The following SORCS3 variants were observed in gnomAD, a reference collection of about 807,000 sequenced individuals.
SORCS3 encodes sortilin related VPS10 domain containing receptor 3.
SORCS3 carries 57 observed loss-of-function variants against 146.3 expected under a neutral mutation model. That is an observed-to-expected ratio of 0.39 (90% CI 0.31 to 0.49). The LOEUF is 0.49. SORCS3 is among the 20% of genes least tolerant of loss of function. The pLI is 0.92. For synonymous variants in SORCS3, 653 were observed against 618.5 expected (o/e 1.06, Z -0.83); for missense variants, 1,341 against 1,575.5 (o/e 0.85, Z 2.52).
chr10:104,854,813 A>G (rs10786831), intron 2 of SORCS3, among the ~76,000 whole-genome samples: 76,695 of 152,096 alleles, frequency 0.5, 21,989 homozygotes, highest in East Asian at 0.72. Context: ...CATACAGTAT[A>G]TAACCTTTTG....
chr10:105,252,992 A>G (rs1424330680), intron 23 of SORCS3, 86 bp downstream of exon 23: 1 of 1,491,540 alleles, frequency 6.7e-7, no homozygotes, highest in Non-Finnish European at 9.1e-7. Flanking sequence ...AGAAAGGGAG[A>G]CAGGCTCTCT....
intron 4 of SORCS3, among the ~76,000 whole-genome samples, chr10:105,020,371 C>G (rs2055191476): frequency 6.6e-6 from 1 of 152,170 alleles, no homozygotes. Context: ...GGATGAACTA[C>G]AAGCTTATAA....
chr10:104,993,340 G>A (rs377535339), intron 4 of SORCS3, among the ~76,000 whole-genome samples: 47 of 152,268 alleles, frequency 3.1e-4, no homozygotes, highest in South Asian at 6.2e-4. Context: ...ATTTTGCCTC[G>A]TGCCTCCCTT....
intron 1 of SORCS3, among the ~76,000 whole-genome samples, chr10:104,746,338 A>G (rs2496019): frequency 0.78 from 118,628 of 151,316 alleles, 46,645 homozygotes; most frequent in East Asian, 0.94. Flanking sequence ...GGGTTTCACC[A>G]TGTTAGCCAG....
chr10:104,675,063 C>A (rs181151853), intron 1 of SORCS3, among the ~76,000 whole-genome samples: 1 of 152,122 alleles, frequency 6.6e-6, no homozygotes. Flanking sequence ...GTGGTTGTAC[C>A]GATTCTACTC....
intron 2 of SORCS3, among the ~76,000 whole-genome samples, chr10:104,874,108 T>C (rs2018546359): frequency 6.6e-6 from 1 of 152,102 alleles, no homozygotes; most frequent in Non-Finnish European, 1.5e-5. Flanking sequence ...AGCAAAGAAA[T>C]CACATTAATA....
chr10:105,164,387 G>C lies in SORCS3; in HGVS notation c.1809+8G>C. On this transcript the variant is annotated splice_region_variant and intron_variant, in intron 12 of 26. Transcript: ENST00000369701. ...GGCAACACATGGAGACAGGTAACTG[G>C]GTGAATTGACAAAAAGGGAGGAGGC... The C allele has an allele frequency of 6.2e-7, 1 of 1,604,244 alleles. No homozygotes were observed. The highest frequency in any genetic ancestry group is 8.5e-7 in the Non-Finnish European group (1 of 1,171,304).
intron 2 of SORCS3, among the ~76,000 whole-genome samples, chr10:104,856,643 C>A (rs1429248687): frequency 1.4e-5 from 2 of 144,544 alleles, no homozygotes; most frequent in African/African-American, 5.0e-5. Context: ...CAATTAGAGG[C>A]ATATATATAA....
intron 1 of SORCS3, among the ~76,000 whole-genome samples, chr10:104,672,266 A>G (rs555488230): frequency 3.9e-5 from 6 of 152,250 alleles, no homozygotes; most frequent in Admixed American, 2.6e-4. Context: ...ACAATTGTTC[A>G]TAGTACTCAT....
At chr10:105,259,545 G>A (rs773111538) in intron 25 of SORCS3, among the ~76,000 whole-genome samples, 8 of 152,242 alleles carry the variant, frequency 5.3e-5, no homozygotes, top group East Asian at 3.9e-4. Flanking sequence ...CTGGCCTCTC[G>A]CAGGCTCTCT....
chr10:105,224,859 A>T (rs1161288892), intron 20 of SORCS3, among the ~76,000 whole-genome samples: 1 of 152,138 alleles, frequency 6.6e-6, no homozygotes, highest in Non-Finnish European at 1.5e-5. Context: ...AATTTTTCAT[A>T]TGCTTATTTC....
intron 1 of SORCS3, 68 bp downstream of exon 1, chr10:104,642,022 G>GGGGC: frequency 4.0e-5 from 7 of 173,336 alleles, no homozygotes; most frequent in South Asian, 8.7e-5. Context: ...GGGTGGGTGG[G>GGGGC]AGCGAGGGAC....
intron 17 of SORCS3, 132 bp from the exon 18 acceptor site, chr10:105,214,310 A>G (rs1156416048): frequency 3.3e-6 from 3 of 916,786 alleles, no homozygotes; most frequent in Non-Finnish European, 5.1e-6. Flanking sequence ...CTTGGTTTCC[A>G]GGGGCCGCTG....
At chr10:105,152,771 TA>T (rs931369832) in intron 9 of SORCS3, among the ~76,000 whole-genome samples, 5 of 152,214 alleles carry the variant, frequency 3.3e-5, no homozygotes, top group Admixed American at 1.3e-4. Context: ...ACAACTTATA[TA>T]TTTTTTTCTT....
chr10:104,696,635 T>A (rs71473532), intron 1 of SORCS3, among the ~76,000 whole-genome samples: 23 of 34,292 alleles, frequency 6.7e-4, no homozygotes, highest in South Asian at 1.7e-3. Context: ...ACGTATATAT[T>A]ATATATAATA....
intron 1 of SORCS3, among the ~76,000 whole-genome samples, chr10:104,732,673 G>A (rs1430735989): frequency 1.3e-5 from 2 of 152,118 alleles, no homozygotes; most frequent in Non-Finnish European, 2.9e-5. Context: ...TTTATCTTGG[G>A]CTAAAATGTG....
intron 1 of SORCS3, among the ~76,000 whole-genome samples, chr10:104,763,162 C>T (rs2017141708): frequency 6.6e-6 from 1 of 152,172 alleles, no homozygotes; most frequent in African/African-American, 2.4e-5. Context: ...ATGAGAAACT[C>T]AGGGTGGGAG....
chr10:104,848,146 A>G (rs1002224383), intron 2 of SORCS3, among the ~76,000 whole-genome samples: 3 of 152,126 alleles, frequency 2.0e-5, no homozygotes, highest in African/African-American at 4.8e-5. Context: ...AAAGTTTTCA[A>G]TAGCCCCAAA....
At chr10:105,169,765 A>C (rs1034069348) in intron 13 of SORCS3, among the ~76,000 whole-genome samples, 12 of 152,046 alleles carry the variant, frequency 7.9e-5, no homozygotes, top group African/African-American at 2.9e-4. Context: ...TAGGACTTGC[A>C]CTCTCAGAGA....
Sources: gnomAD v4.1 joint callset for allele counts (sites outside exome capture counted in the v4.1 genomes callset) on GRCh38, gnomAD v4.1.1 for gene constraint, MANE v1.5 for transcripts, NCBI Gene and HGNC (gene_info 2026-07-23, HGNC 2026-07-21) for gene names.